The following TMPRSS11B variants were observed in gnomAD, a reference collection of about 807,000 sequenced individuals.
TMPRSS11B encodes the protein transmembrane protease serine 11B.
Under a neutral mutation model 44.7 loss-of-function variants are expected in TMPRSS11B, and 53 were observed. That is an observed-to-expected ratio of 1.19 (90% confidence interval 0.95 to 1.49). TMPRSS11B has a LOEUF of 1.49. Ranked by LOEUF, TMPRSS11B falls within the 40% of genes most tolerant of loss-of-function variation. The probability of loss-of-function intolerance (pLI) is 0.00; values close to 1 mark genes in which losing one functional copy is unlikely to be tolerated. For missense variants in TMPRSS11B, 526 were observed against 494.8 expected (o/e 1.06, Z -0.60); for synonymous variants, 140 against 159.2 (o/e 0.88, Z 0.91).
intron 2 of TMPRSS11B, among the ~76,000 whole-genome samples, chr4:68,240,384 C>A (rs374833948): frequency 4.6e-5 from 7 of 152,158 alleles, no homozygotes; most frequent in Admixed American, 1.3e-4. Flanking sequence ...GTAATTTAAG[C>A]TGCTGTAGCC....
In TMPRSS11B at chr4:68,229,406, C is replaced by G. The variant is rs369199262; in HGVS notation, c.797G>C (p.Gly266Ala). ...IIFHENYSSP[G>A]LHDDIALVQL... ...CACAAGGGCAATATCATCATGAAGCCCAGGACTGCTATAATTTTCATGAAA... is the reference window on the plus strand; with the variant it reads ...CACAAGGGCAATATCATCATGAAGCGCAGGACTGCTATAATTTTCATGAAA... Residue 266 changes from glycine (G) to alanine (A), a missense_variant, in exon 8 of 10, where the codon GGG (glycine) becomes GCG (alanine). Transcript: ENST00000332644. 1.2e-6 allele frequency: 2 copies of G among 1,613,910 alleles called. No individual in the cohort carries two copies. The highest frequency in any genetic ancestry group is 1.7e-6 in the Non-Finnish European group (2 of 1,179,952).
intron 2 of TMPRSS11B, 41 bp downstream of exon 2, chr4:68,241,648 A>T (rs753601173): frequency 7.9e-7 from 1 of 1,269,668 alleles, no homozygotes; most frequent in East Asian, 2.3e-5. Context: ...AAATTTAAAG[A>T]TTTATAGCAA....
In TMPRSS11B at chr4:68,227,912, C is replaced by A; in HGVS notation, c.1250G>T (p.Ter417LeuextTer30). Residue 417 changes from the stop codon to leucine (L), a stop_lost, in exon 10 of 10, where the codon TGA (stop) becomes TTA (leucine). Coordinates refer to ENST00000332644, the MANE Select transcript of TMPRSS11B (RefSeq NM_182502.3). ...TTCCTTTGTATAATTCCTTTTTTTT[C>A]AGAGTCCAGTCTTGGATGTAATCCA... ...RNWITSKTGL[*>L] 6.3e-7 allele frequency: 1 copy of A among 1,589,858 alleles called. No individual in the cohort carries two copies.
intron 5 of TMPRSS11B, among the ~76,000 whole-genome samples, chr4:68,234,015 CA>C (rs1251437839): frequency 1.3e-5 from 2 of 151,756 alleles, no homozygotes; most frequent in African/African-American, 2.4e-5. Context: ...ACTAAAAATA[CA>C]AAAAAATTAG....
intron 1 of TMPRSS11B, among the ~76,000 whole-genome samples, chr4:68,243,333 T>TA (rs1375226450): frequency 5.3e-5 from 8 of 152,192 alleles, no homozygotes; most frequent in Non-Finnish European, 1.2e-4. Context: ...TTTAGGTAGA[T>TA]ACATTTTTGT....
At chr4:68,239,254 G>A (rs534524104) in intron 2 of TMPRSS11B, among the ~76,000 whole-genome samples, 4 of 150,146 alleles carry the variant, frequency 2.7e-5, no homozygotes, top group Admixed American at 6.6e-5. Flanking sequence ...TCTCTTGCGC[G>A]CTCTCTCTCG....
In TMPRSS11B at chr4:68,231,262, G is replaced by A. The variant is rs146528530; in HGVS notation, c.627C>T (p.Tyr209=). ...TGCTGCTGATCAGAGAGGCTCCACAGTAGTGACGGCCTTTCCATTGCATGC... is the reference window on the plus strand; with the variant it reads ...TGCTGCTGATCAGAGAGGCTCCACAATAGTGACGGCCTTTCCATTGCATGC... The part of the protein sequence containing the change: ...QASMQWKGRH[Y]CGASLISSRW... The change falls in exon 7 of 10, where the codon TAC becomes TAT. Residue 209 remains tyrosine, a synonymous_variant. Transcript: ENST00000332644. 4.9e-4 allele frequency: 791 copies of A among 1,613,656 alleles called. No homozygotes were observed. Among genetic ancestry groups the A allele is most frequent in the Non-Finnish European group, 6.5e-4 (764 of 1,179,972 alleles).
At chr4:68,242,623 G>A (rs1482122806) in intron 1 of TMPRSS11B, among the ~76,000 whole-genome samples, 1 of 149,378 alleles carries the variant, frequency 6.7e-6, no homozygotes, top group Admixed American at 6.8e-5. Context: ...AGGCTGGAGT[G>A]CAGTAGTACA....
chr4:68,238,778 A>T (rs1412663659), intron 2 of TMPRSS11B, among the ~76,000 whole-genome samples: 2 of 152,016 alleles, frequency 1.3e-5, no homozygotes, highest in African/African-American at 4.8e-5. Context: ...AAACTAAATT[A>T]CAATAGATAA....
At chr4:68,228,918 C>A in intron 8 of TMPRSS11B, 34 bp from the exon 9 acceptor site, 1 of 1,595,882 alleles carries the variant, frequency 6.3e-7, no homozygotes, top group Non-Finnish European at 8.5e-7. Context: ...TTATGCAGAT[C>A]TTAGACTTTG....
intron 5 of TMPRSS11B, among the ~76,000 whole-genome samples, 171 bp from the exon 6 acceptor site, chr4:68,232,587 A>G (rs1307684847): frequency 3.3e-5 from 5 of 152,242 alleles, no homozygotes; most frequent in Admixed American, 2.0e-4. Flanking sequence ...GTTACATTAT[A>G]ACCATCTCTC....
At chr4:68,233,997 C>A (rs1403909072) in intron 5 of TMPRSS11B, among the ~76,000 whole-genome samples, 2 of 151,982 alleles carry the variant, frequency 1.3e-5, no homozygotes, top group African/African-American at 2.4e-5. Flanking sequence ...TGGTAAAACC[C>A]TGTCTCTACT....
At chr4:68,243,988 C>G (rs903218983) in intron 1 of TMPRSS11B, among the ~76,000 whole-genome samples, 2 of 152,098 alleles carry the variant, frequency 1.3e-5, no homozygotes, top group Non-Finnish European at 2.9e-5. Flanking sequence ...ATTTAAAGTA[C>G]TATTTTATAT....
intron 6 of TMPRSS11B, 147 bp from the exon 7 acceptor site, chr4:68,231,527 G>A: frequency 1.3e-6 from 1 of 762,178 alleles, no homozygotes; most frequent in Non-Finnish European, 2.0e-6. Flanking sequence ...ATACTCCTGT[G>A]ATGTTTCTGT....
intron 4 of TMPRSS11B, 74 bp downstream of exon 4, chr4:68,235,928 G>A: frequency 5.7e-6 from 4 of 707,032 alleles, no homozygotes; most frequent in Non-Finnish European, 8.4e-6. Flanking sequence ...TGTTGTTATT[G>A]TTATCTAAAA....
At position 68,241,800 on chromosome 4, in the gene TMPRSS11B, C is replaced by T. The variant is rs372608893; in HGVS notation, c.13G>A (p.Gly5Ser). 1.9e-5 allele frequency: 31 copies of T among 1,610,334 alleles called. No individual in the cohort carries two copies. The African/African-American group carries it at 2.4e-4, about 12-fold the overall frequency. MYRH[G>S]ISSQRSWPLW... is the part of the protein sequence containing the mutation. The stretch of plus-strand genomic sequence containing the variant: ...GGCCAAGATCTTTGGGAAGATATGC[C>T]GTGCCTATGAAAGAGGAAAATTTTG... The change falls in exon 2 of 10, where the codon GGC becomes AGC. Residue 5 changes from glycine (G) to serine (S), a missense_variant. Coordinates refer to ENST00000332644, the MANE Select transcript of TMPRSS11B (RefSeq NM_182502.3).
rs1719612436 is a variant in TMPRSS11B at position 68,234,621 on chromosome 4, G to A, written c.311C>T (p.Pro104Leu). ...YVKSEVIKLLPNANGSNVQLQ... is the reference protein window; with the variant it reads ...YVKSEVIKLLLNANGSNVQLQ... Reference sequence around the variant, plus strand: ...CTGCACATTTGAACCATTGGCATTAGGCCTAGAAACAACAGAAATTTTCTA... The same window carrying A: ...CTGCACATTTGAACCATTGGCATTAAGCCTAGAAACAACAGAAATTTTCTA... Residue 104 changes from proline to leucine, a missense_variant and splice_region_variant, in exon 5 of 10, where the codon CCT becomes CTT. By Grantham distance (98) the Pro-to-Leu change is moderately conservative. Transcript: ENST00000332644. The A allele has an allele frequency of 2.5e-6, 4 of 1,612,642 alleles. No homozygotes were observed. The highest frequency in any genetic ancestry group is 3.4e-6 in the Non-Finnish European group (4 of 1,179,720).
At position 68,231,133 on chromosome 4, in the gene TMPRSS11B, T is replaced by G. The variant is rs976094699; in HGVS notation, c.686+70A>C. The G allele has an allele frequency of 1.4e-5, 19 of 1,373,894 alleles. No homozygotes were observed. In the African/African-American group the frequency reaches 2.6e-4, roughly 19 times the overall value. The allele number at this position is 1,373,894 out of a possible 1,614,324, so 85.1% of individuals were successfully genotyped here. A position where few individuals can be genotyped will look rare whatever the true frequency, so the allele number is the denominator to read the frequency against. On this transcript the variant is annotated intron_variant, in intron 7 of 9. Transcript: ENST00000332644. ...CTTGGTGAACCTTGACACATTAAGTTAACCCCTACAAACTATCCAAAATAG... is the reference window on the plus strand; with the variant it reads ...CTTGGTGAACCTTGACACATTAAGTGAACCCCTACAAACTATCCAAAATAG...
intron 5 of TMPRSS11B, 28 bp downstream of exon 5, chr4:68,234,435 T>C (rs367575372): frequency 3.5e-5 from 56 of 1,593,646 alleles, no homozygotes; most frequent in Admixed American, 5.5e-5. Context: ...ACCTATGTAA[T>C]AGAAAATAAT....
Sources: gnomAD v4.1 joint callset for allele counts (sites outside exome capture counted in the v4.1 genomes callset) on GRCh38, gnomAD v4.1.1 for gene constraint, MANE v1.5 for transcripts, NCBI Gene and HGNC (gene_info 2026-07-23, HGNC 2026-07-21) for gene names.